Variants in ERC2 observed in about 807,000 individuals in gnomAD.
The protein encoded by ERC2 is ERC protein 2.
A neutral mutation model predicts 114.8 loss-of-function variants in ERC2; 42 were observed. The ratio of observed to expected loss-of-function variants is 0.37; its 90% confidence interval spans 0.29 to 0.47. The LOEUF (loss-of-function observed/expected upper bound fraction) is 0.47, where lower values mean the gene tolerates loss of function less well. Ranked by LOEUF, ERC2 falls within the 20% of genes least tolerant of loss-of-function variation. The pLI, the probability that ERC2 is intolerant of heterozygous loss-of-function variation, is 0.99. For missense variants in ERC2, 939 were observed against 1,150.7 expected (o/e 0.82, Z 2.66); for synonymous variants, 454 against 425.5 (o/e 1.07, Z -0.82).
Position 55,950,426 on chromosome 3 carries a change from T to C in ERC2, c.2402A>G (p.Gln801Arg), listed in dbSNP as rs2067418484. 6.2e-7 allele frequency: 1 copy of C among 1,614,018 alleles called. No individual in the cohort carries two copies. The highest frequency in any genetic ancestry group is 8.5e-7 in the Non-Finnish European group (1 of 1,179,882). The change falls in exon 13 of 18, where the codon CAG becomes CGG. Residue 801 changes from glutamine to arginine, a missense_variant and splice_region_variant. Physicochemically the swap from Gln to Arg is conservative, Grantham distance 43. Coordinates refer to ENST00000288221, the MANE Select transcript of ERC2 (RefSeq NM_015576.3). ...DSMADNSQHL[Q>R]IEELMNALEK... is the part of the protein sequence containing the mutation. ...TTAAGAAGAGAAGCCTGTGCTTACCTGCAAATGCTGTGAGTTGTCAGCCAT... is the reference window on the plus strand; with the variant it reads ...TTAAGAAGAGAAGCCTGTGCTTACCCGCAAATGCTGTGAGTTGTCAGCCAT...
In ERC2 at chr3:55,747,307, G is replaced by GT. The variant is rs199573254; in HGVS notation, c.2565-12390dup. Among the ~76,000 whole-genome samples the GT allele has an allele frequency of 1.7e-3, 249 of 147,708 alleles. 2 individuals carry two copies. Among genetic ancestry groups the GT allele is most frequent in the Middle Eastern group, 3.5e-3 (1 of 282 alleles). On this transcript the variant is annotated intron_variant, in intron 14 of 17. Transcript: ENST00000288221. Reference sequence around the variant, plus strand: ...GGTGACAGGGAAGTTTTAGGTGCCTGTTTTTTTTTTAAAGAGGTCATTTAA... The same window carrying GT: ...GGTGACAGGGAAGTTTTAGGTGCCTGTTTTTTTTTTTAAAGAGGTCATTTAA...
intron 17 of ERC2, among the ~76,000 whole-genome samples, chr3:55,632,486 GA>G (rs2059796621): frequency 6.6e-6 from 1 of 152,170 alleles, no homozygotes; most frequent in Non-Finnish European, 1.5e-5. Context: ...AGGAGGCAAG[GA>G]CTTTTGCCCC....
At chr3:56,424,272 G>A (rs1215565987) in intron 2 of ERC2, among the ~76,000 whole-genome samples, 1 of 149,816 alleles carries the variant, frequency 6.7e-6, no homozygotes, top group East Asian at 2.0e-4. Flanking sequence ...GAAATACCCT[G>A]ATTTTTTTTT....
At chr3:55,585,440 T>C (rs2107584337) in intron 17 of ERC2, among the ~76,000 whole-genome samples, 1 of 152,298 alleles carries the variant, frequency 6.6e-6, no homozygotes, top group Non-Finnish European at 1.5e-5. Flanking sequence ...AACCTGTCAG[T>C]TGTGACCTCA....
chr3:55,782,235 C>T (rs2069115909), intron 14 of ERC2, among the ~76,000 whole-genome samples: 6 of 152,184 alleles, frequency 3.9e-5, no homozygotes, highest in Admixed American at 3.9e-4. Flanking sequence ...TCAAAGACCA[C>T]AGGGGTCTTA....
At chr3:56,058,828 A>T (rs1448603133) in intron 7 of ERC2, among the ~76,000 whole-genome samples, 3 of 152,172 alleles carry the variant, frequency 2.0e-5, no homozygotes, top group African/African-American at 7.2e-5. Context: ...CCATAATCAC[A>T]TGAGCCAATT....
intron 13 of ERC2, among the ~76,000 whole-genome samples, chr3:55,891,635 C>T (rs80147036): frequency 1.3e-5 from 2 of 151,748 alleles, no homozygotes; most frequent in East Asian, 3.9e-4. Context: ...TTAGTAGAGA[C>T]GGGGTTTCAC....
At chr3:56,170,602 T>TGTTTG (rs1560298907) in intron 4 of ERC2, among the ~76,000 whole-genome samples, 3 of 143,654 alleles carry the variant, frequency 2.1e-5, no homozygotes, top group East Asian at 2.0e-4. Flanking sequence ...TTTTTTTTTT[T>TGTTTG]TTTTTTTTTT....
At chr3:56,044,372 T>G (rs2075355944) in intron 7 of ERC2, among the ~76,000 whole-genome samples, 1 of 152,276 alleles carries the variant, frequency 6.6e-6, no homozygotes, top group Non-Finnish European at 1.5e-5. Context: ...TTATGTATAG[T>G]CCTTGTTTTG....
chr3:55,955,215 G>GGGATC (rs2067860973), intron 12 of ERC2: 1 of 505,268 alleles, frequency 2.0e-6, no homozygotes, highest in African/African-American at 1.9e-5. Flanking sequence ...GGGAGGAAAT[G>GGGATC]GGATCTTCAA....
chr3:56,381,645 G>A (rs2059755947), intron 2 of ERC2, among the ~76,000 whole-genome samples: 1 of 151,068 alleles, frequency 6.6e-6, no homozygotes, highest in African/African-American at 2.4e-5. Flanking sequence ...CCAAAAGGAG[G>A]GAAAGCAAAG....
chr3:56,337,526 A>C (rs1274703213), intron 2 of ERC2, among the ~76,000 whole-genome samples: 1 of 152,248 alleles, frequency 6.6e-6, no homozygotes, highest in East Asian at 1.9e-4. Context: ...ATGACCTGAT[A>C]GAATATGCAT....
chr3:56,180,954 T>C (rs1441111035), intron 3 of ERC2, among the ~76,000 whole-genome samples: 1 of 152,248 alleles, frequency 6.6e-6, no homozygotes, highest in Non-Finnish European at 1.5e-5. Context: ...GCTTTCATTA[T>C]GTATGTATGT....
intron 7 of ERC2, among the ~76,000 whole-genome samples, chr3:56,023,436 A>C (rs946730478): frequency 1.3e-5 from 2 of 151,924 alleles, no homozygotes; most frequent in African/African-American, 4.8e-5. Context: ...GGATCTCCTT[A>C]TATCTTCCCT....
chr3:55,595,259 TA>T (rs2058076255), intron 17 of ERC2, among the ~76,000 whole-genome samples: 1 of 152,138 alleles, frequency 6.6e-6, no homozygotes, highest in Non-Finnish European at 1.5e-5. Context: ...AAGATTGAGG[TA>T]AAAAAGACAT....
chr3:56,196,796 A>G (rs2048134448), intron 3 of ERC2, among the ~76,000 whole-genome samples: 1 of 152,106 alleles, frequency 6.6e-6, no homozygotes, highest in South Asian at 2.1e-4. Flanking sequence ...CATGAGCCAT[A>G]TGTTAGAAAT....
intron 15 of ERC2, among the ~76,000 whole-genome samples, chr3:55,720,116 T>C (rs1253651975): frequency 2.4e-5 from 1 of 41,926 alleles, no homozygotes; most frequent in African/African-American, 8.8e-5. Context: ...CTCCTCCTCC[T>C]CCTCCTTCTT....
chr3:55,645,625 T>C (rs1271563587), intron 17 of ERC2, among the ~76,000 whole-genome samples: 4 of 152,312 alleles, frequency 2.6e-5, no homozygotes, highest in African/African-American at 4.8e-5. Flanking sequence ...TGTTTCTTGA[T>C]GCTGGAAACA....
intron 2 of ERC2, among the ~76,000 whole-genome samples, chr3:56,412,021 A>G (rs909341107): frequency 6.6e-6 from 1 of 152,230 alleles, no homozygotes; most frequent in African/African-American, 2.4e-5. Context: ...GTCATTGCAG[A>G]TATAATCGAA....
Sources: allele counts gnomAD v4.1 joint callset (sites outside exome capture counted in the v4.1 genomes callset), GRCh38; gene constraint gnomAD v4.1.1; transcripts MANE v1.5; gene names NCBI Gene and HGNC (gene_info 2026-07-23, HGNC 2026-07-21).